NRXN1: variants seen among roughly 807,000 people sequenced by gnomAD.
NRXN1 encodes neurexin 1, also known as neurexin-1.
NRXN1 carries 39 observed loss-of-function variants against 150.9 expected under a neutral mutation model. The observed-to-expected ratio is 0.26, with a 90% CI of 0.20 to 0.34. NRXN1 has a LOEUF of 0.34. NRXN1 is among the 10% of genes least tolerant of loss of function. The pLI, the probability that NRXN1 is intolerant of heterozygous loss-of-function variation, is 1.00. For synonymous variants in NRXN1, 924 were observed against 757.0 expected (o/e 1.22, Z -3.62); for missense variants, 1,815 against 1,949.9 (o/e 0.93, Z 1.30).
chr2:50,946,337 A>G (rs1690386544), intron 2 of NRXN1, among the ~76,000 whole-genome samples: 1 of 152,182 alleles, frequency 6.6e-6, no homozygotes, highest in South Asian at 2.1e-4. Flanking sequence ...TCAGAGGCTC[A>G]CAGTGAATTA....
intron 17 of NRXN1, among the ~76,000 whole-genome samples, chr2:50,354,860 TGC>T: frequency 6.6e-6 from 1 of 152,104 alleles, no homozygotes; most frequent in Admixed American, 6.6e-5. Context: ...GGGATCTGTG[TGC>T]CTGAATTCCA....
At chr2:50,476,227 A>G (rs1344364874) in intron 15 of NRXN1, among the ~76,000 whole-genome samples, 1 of 152,118 alleles carries the variant, frequency 6.6e-6, no homozygotes, top group East Asian at 1.9e-4. Context: ...AGTACTGTAT[A>G]TACACAGCCA....
At chr2:50,269,317 TG>T (rs2069279236) in intron 17 of NRXN1, among the ~76,000 whole-genome samples, 1 of 152,344 alleles carries the variant, frequency 6.6e-6, no homozygotes, top group Admixed American at 6.5e-5. Flanking sequence ...TTCCCTTTGC[TG>T]TATTGTTTCT....
chr2:50,892,564 C>A (rs1305496905), intron 5 of NRXN1, among the ~76,000 whole-genome samples: 1 of 152,142 alleles, frequency 6.6e-6, no homozygotes, highest in African/African-American at 2.4e-5. Context: ...CTGAAATTCA[C>A]ATACAGCTCT....
intron 19 of NRXN1, among the ~76,000 whole-genome samples, chr2:50,059,200 AT>A (rs1258499300): frequency 6.6e-6 from 1 of 152,130 alleles, no homozygotes; most frequent in Non-Finnish European, 1.5e-5. Context: ...TGAGGAACTT[AT>A]TGGGAACTGG....
chr2:50,495,393 G>C (rs1288532751), intron 15 of NRXN1, among the ~76,000 whole-genome samples: 1 of 131,626 alleles, frequency 7.6e-6, no homozygotes, highest in Non-Finnish European at 1.6e-5. Flanking sequence ...GTGTGTGTGT[G>C]TGTGTGTGTG....
intron 5 of NRXN1, among the ~76,000 whole-genome samples, chr2:50,706,329 G>C (rs376069322): frequency 6.6e-6 from 1 of 152,100 alleles, no homozygotes; most frequent in Non-Finnish European, 1.5e-5. Context: ...TTGAGAAGAC[G>C]GTTAAGACAA....
chr2:50,838,635 G>T (rs1475608929), intron 5 of NRXN1, among the ~76,000 whole-genome samples: 9 of 152,062 alleles, frequency 5.9e-5, no homozygotes, highest in Non-Finnish European at 7.4e-5. Context: ...GGACAGACAT[G>T]CACAGAAAGA....
rs762785637 is a variant in NRXN1 at position 50,552,781 on chromosome 2, CCAT to C, written c.1562_1564del (p.His521_Gly522delinsArg). 6.2e-7 allele frequency: 1 copy of C among 1,613,930 alleles called. No individual in the cohort carries two copies. The highest frequency in any genetic ancestry group is 8.5e-7 in the Non-Finnish European group (1 of 1,179,868). On this transcript the variant is annotated inframe_deletion, in exon 9 of 23. Transcript: ENST00000401669. The stretch of plus-strand genomic sequence containing the variant: ...GGCATCTTTCTGATGTCTTGGCTTG[CCAT>C]GGCTAAATAAGATGAGGCCATTTGG...
intron 15 of NRXN1, among the ~76,000 whole-genome samples, chr2:50,481,013 T>C (rs1023621349): frequency 1.3e-5 from 2 of 152,200 alleles, no homozygotes; most frequent in African/African-American, 4.8e-5. Context: ...TTATATCTGG[T>C]TTTTGCCTGT....
At chr2:50,170,936 C>A (rs1315558530) in intron 18 of NRXN1, among the ~76,000 whole-genome samples, 1 of 152,022 alleles carries the variant, frequency 6.6e-6, no homozygotes, top group African/African-American at 2.4e-5. Flanking sequence ...TTACTAATAA[C>A]AATAAGCAGT....
intron 2 of NRXN1, among the ~76,000 whole-genome samples, chr2:51,019,900 C>G (rs1575244927): frequency 6.6e-6 from 1 of 152,006 alleles, no homozygotes; most frequent in East Asian, 1.9e-4. Flanking sequence ...TAGGTCTGCT[C>G]TCTGGAATAC....
At chr2:50,694,126 G>A (rs1362234107) in intron 5 of NRXN1, among the ~76,000 whole-genome samples, 2 of 152,136 alleles carry the variant, frequency 1.3e-5, no homozygotes, top group African/African-American at 2.4e-5. Context: ...AGGGACTAAC[G>A]TGTGTATGAT....
At chr2:50,328,219 T>G (rs1049703833) in intron 17 of NRXN1, among the ~76,000 whole-genome samples, 4 of 147,198 alleles carry the variant, frequency 2.7e-5, no homozygotes, top group African/African-American at 1.0e-4. Context: ...ATTTTTTTTG[T>G]TTTTTTTTTA....
intron 5 of NRXN1, among the ~76,000 whole-genome samples, chr2:50,714,829 A>T (rs1211434734): frequency 6.6e-6 from 1 of 152,192 alleles, no homozygotes; most frequent in Non-Finnish European, 1.5e-5. Flanking sequence ...GATAATGGGC[A>T]GATCATTCTG....
At chr2:50,395,482 G>A (rs753196709) in intron 17 of NRXN1, among the ~76,000 whole-genome samples, 4 of 151,572 alleles carry the variant, frequency 2.6e-5, no homozygotes, top group East Asian at 1.9e-4. Flanking sequence ...GGATTCTAAC[G>A]TATATATCAG....
intron 21 of NRXN1, among the ~76,000 whole-genome samples, chr2:49,960,373 T>G (rs1033458481): frequency 1.3e-5 from 2 of 151,900 alleles, no homozygotes; most frequent in Non-Finnish European, 2.9e-5. Context: ...TCATATCTGC[T>G]CTTAGGTGGC....
chr2:50,793,140 CAA>C (rs1706296598), intron 5 of NRXN1, among the ~76,000 whole-genome samples: 1 of 151,904 alleles, frequency 6.6e-6, no homozygotes, highest in African/African-American at 2.4e-5. Context: ...GAAGAAAAAG[CAA>C]AGTTTGTTAG....
intron 15 of NRXN1, among the ~76,000 whole-genome samples, chr2:50,487,187 T>TGG (rs1049579384): frequency 6.6e-6 from 1 of 152,090 alleles, no homozygotes; most frequent in Non-Finnish European, 1.5e-5. Context: ...TAGATGAGGA[T>TGG]GATGGTGATG....
Sources: gnomAD v4.1 joint callset for allele counts (sites outside exome capture counted in the v4.1 genomes callset) on GRCh38, gnomAD v4.1.1 for gene constraint, MANE v1.5 for transcripts, NCBI Gene and HGNC (gene_info 2026-07-23, HGNC 2026-07-21) for gene names.